The following NCOR2 variants were observed in gnomAD, a reference collection of about 807,000 sequenced individuals.
The protein encoded by NCOR2 is CTG repeat protein 26.
A neutral mutation model predicts 262.9 loss-of-function variants in NCOR2; 81 were observed. The ratio of observed to expected loss-of-function variants is 0.31; its 90% CI spans 0.26 to 0.37. The LOEUF (loss-of-function observed/expected upper bound fraction) is 0.37, where lower values mean the gene tolerates loss of function less well. NCOR2 is among the 10% of genes least tolerant of loss of function. The pLI, the probability that NCOR2 is intolerant of heterozygous loss-of-function variation, is 1.00. For missense variants in NCOR2, 3,385 were observed against 3,621.4 expected (o/e 0.93, Z 1.68); for synonymous variants, 1,659 against 1,559.3 (o/e 1.06, Z -1.51).
rs2034537548 is a variant in NCOR2, at chr12:124,325,385, C to CG, written c.*16_*17insC. On this transcript the variant is annotated 3_prime_UTR_variant, in exon 47 of 47. Transcript: ENST00000405201. The stretch of plus-strand genomic sequence containing the variant: ...CGCTGGGACCTGACACCGCCCCCCC[C>CG]CCCGCCCTGTTCTGAGTCACTCGCT... 4 of 539,340 alleles carry CG rather than the reference C, an allele frequency of 7.4e-6. No individual in the cohort carries two copies. In the South Asian group the frequency reaches 1.8e-4, roughly 24 times the overall value. 33.4% of individuals were successfully genotyped at this position (539,340 alleles called of 1,614,324 possible).
At position 124,438,426 on chromosome 12, in the gene NCOR2, GC is replaced by G. The variant is rs1484907594; in HGVS notation, c.816-431del. On this transcript the variant is annotated intron_variant, in intron 7 of 46. Coordinates refer to ENST00000405201, the Ensembl canonical transcript of NCOR2. ...CGGGTGTCAGAGTGTGGCCTGTGTG[GC>G]CCCAGGATTGGCTCCAACCAGGTGC... 6.6e-5 allele frequency among the ~76,000 whole-genome samples: 10 copies of G among 152,190 alleles called. 1 individual carries two copies. The highest frequency in any genetic ancestry group is 2.4e-4 in the African/African-American group (10 of 41,522).
At chr12:124,392,716 G>A (rs1055334723) in intron 16 of NCOR2, among the ~76,000 whole-genome samples, 2 of 151,878 alleles carry the variant, frequency 1.3e-5, no homozygotes, top group Non-Finnish European at 2.9e-5. Context: ...ATGTAGTGGA[G>A]GAGGTCCTGC....
chr12:124,395,246 G>A (rs1267565810), intron 16 of NCOR2, among the ~76,000 whole-genome samples: 4 of 152,100 alleles, frequency 2.6e-5, no homozygotes, highest in South Asian at 4.1e-4. Context: ...TTTTCTGGGC[G>A]GGGGCTCCAG....
In NCOR2 at chr12:124,549,926, C is replaced by A. The variant is rs557628706; in HGVS notation, c.-164-14315G>T. The stretch of plus-strand genomic sequence containing the variant: ...CAAGTATGTGAATGAACAAAATCTA[C>A]ATGCTGGGCGCAAGCTCCGAGGAAA... On this transcript the variant is annotated intron_variant, in intron 1 of 32. Transcript: ENST00000458234. The surrounding 1 kb of genome is among the most constrained non-coding windows in gnomAD (Gnocchi z 4.4). 6.6e-6 allele frequency among the ~76,000 whole-genome samples: 1 copy of A among 152,216 alleles called. No individual in the cohort carries two copies. Among genetic ancestry groups the A allele is most frequent in the African/African-American group, 2.4e-5 (1 of 41,462 alleles).
intron 1 of NCOR2, among the ~76,000 whole-genome samples, chr12:124,511,123 C>T (rs1338904415): frequency 2.0e-5 from 3 of 152,194 alleles, no homozygotes. Context: ...GACCAGTTTG[C>T]AAACAGAGAG....
chr12:124,489,542 C>T (rs1476292604), intron 1 of NCOR2, among the ~76,000 whole-genome samples: 1 of 152,194 alleles, frequency 6.6e-6, no homozygotes, highest in African/African-American at 2.4e-5. Context: ...CCCTGTAGGA[C>T]AGCAGCAAAC....
In NCOR2 at chr12:124,509,126, G is replaced by A. The variant is rs145809504; in HGVS notation, c.-117-13758C>T. On this transcript the variant is annotated intron_variant, in intron 1 of 46. Transcript: ENST00000404621. Reference sequence around the variant, plus strand: ...GTCTCTGCCCACCCGGCCCCACTCCGTGCATGCCACACCCCAATTTCCCTG... The same window carrying A: ...GTCTCTGCCCACCCGGCCCCACTCCATGCATGCCACACCCCAATTTCCCTG... Among the ~76,000 whole-genome samples the A allele has an allele frequency of 5.0e-3, 750 of 151,498 alleles. 3 individuals carry two copies. Among genetic ancestry groups the A allele is most frequent in the Non-Finnish European group, 6.8e-3 (463 of 67,944 alleles).
intron 17 of NCOR2, among the ~76,000 whole-genome samples, chr12:124,380,231 G>T (rs1265452335): frequency 6.6e-6 from 1 of 152,246 alleles, no homozygotes; most frequent in South Asian, 2.1e-4. Context: ...GCCTCATGGA[G>T]GGGAGGAGAG....
At chr12:124,433,336 G>A (rs2044089959) in intron 8 of NCOR2, among the ~76,000 whole-genome samples, 1 of 152,248 alleles carries the variant, frequency 6.6e-6, no homozygotes, top group Non-Finnish European at 1.5e-5. Context: ...CCCTGTCCAA[G>A]AGGCCCCAGG....
At chr12:124,351,697 C>T (rs2037481725) in intron 27 of NCOR2, among the ~76,000 whole-genome samples, 1 of 152,200 alleles carries the variant, frequency 6.6e-6, no homozygotes. Flanking sequence ...TGTCAAACAG[C>T]AACTTTACTA....
chr12:124,476,714 G>A (rs1326972477), intron 3 of NCOR2, among the ~76,000 whole-genome samples: 2 of 152,164 alleles, frequency 1.3e-5, no homozygotes, highest in East Asian at 1.9e-4. Flanking sequence ...TCTTCTTTAA[G>A]TTCGGGTTTA....
chr12:124,400,272 G>A lies in NCOR2; in HGVS notation c.1813+229C>T, dbSNP rs573832562. Among the ~76,000 whole-genome samples, 119 of 152,140 alleles carry A rather than the reference G, an allele frequency of 7.8e-4. 2 individuals carry two copies. Among genetic ancestry groups the A allele is most frequent in the African/African-American group, 2.4e-3 (101 of 41,496 alleles). The stretch of plus-strand genomic sequence containing the variant: ...TCCCCCCACGTTAGAGGTAACCACC[G>A]ATTCCTCCCACTGAGAACATGAGGA... On this transcript the variant is annotated intron_variant, in intron 15 of 46. Coordinates refer to ENST00000405201, the Ensembl canonical transcript of NCOR2.
intron 1 of NCOR2, among the ~76,000 whole-genome samples, chr12:124,508,185 C>A (rs1258495510): frequency 6.6e-6 from 1 of 152,262 alleles, no homozygotes; most frequent in African/African-American, 2.4e-5. Context: ...GGGAGGACCC[C>A]ACTGCCGCCT....
chr12:124,521,887 G>A (rs1372940895), intron 1 of NCOR2, among the ~76,000 whole-genome samples: 7 of 152,196 alleles, frequency 4.6e-5, no homozygotes, highest in South Asian at 4.2e-4. Flanking sequence ...GTGTGGTGGC[G>A]CATACCCGTA....
intron 28 of NCOR2, among the ~76,000 whole-genome samples, chr12:124,349,878 G>A (rs1414173680): frequency 6.6e-6 from 1 of 152,152 alleles, no homozygotes; most frequent in African/African-American, 2.4e-5. Context: ...CACAGCTGCA[G>A]GCCTGTCTCC....
intron 1 of NCOR2, among the ~76,000 whole-genome samples, chr12:124,487,710 G>C (rs1422663283): frequency 6.6e-6 from 1 of 152,236 alleles, no homozygotes; most frequent in African/African-American, 2.4e-5. Context: ...TCTTGACGCT[G>C]ATAGCACAAT....
rs370436980 is a variant in NCOR2 at position 124,479,560 on chromosome 12, C to G, written c.411+4036G>C. On this transcript the variant is annotated intron_variant, in intron 3 of 46. Transcript: ENST00000405201. The stretch of plus-strand genomic sequence containing the variant: ...ACACCCGCACCCACACACAAACGCG[C>G]ACACACACGCACGCGCGCGCGCATG... 7.4e-4 allele frequency among the ~76,000 whole-genome samples: 113 copies of G among 152,096 alleles called. 3 individuals are homozygous for G. The highest frequency in any genetic ancestry group is 2.1e-3 in the African/African-American group (89 of 41,402).
At chr12:124,333,730 A>AC (rs2035465200) in intron 41 of NCOR2, among the ~76,000 whole-genome samples, 1 of 150,180 alleles carries the variant, frequency 6.7e-6, no homozygotes, top group African/African-American at 2.4e-5. Flanking sequence ...TTCTCTTTTG[A>AC]CCCCCAGAGG....
intron 10 of NCOR2, 142 bp downstream of exon 12, chr12:124,429,471 C>A: frequency 1.2e-6 from 1 of 825,952 alleles, no homozygotes. Flanking sequence ...ACCTCAATAC[C>A]CACCTTGATT....
Sources: allele counts gnomAD v4.1 joint callset (sites outside exome capture counted in the v4.1 genomes callset), GRCh38; gene constraint gnomAD v4.1.1; non-coding constraint Gnocchi (gnomAD v3.1); transcripts MANE v1.5; gene names NCBI Gene and HGNC (gene_info 2026-07-23, HGNC 2026-07-21).